Variants in RABGAP1 observed in about 807,000 individuals in gnomAD.
RABGAP1 encodes RAB GTPase activating protein 1.
A neutral mutation model predicts 137.6 loss-of-function variants in RABGAP1; 23 were observed. The ratio of observed to expected loss-of-function variants is 0.17; its 90% CI spans 0.12 to 0.24. The LOEUF is 0.24. Ranked by LOEUF, RABGAP1 falls within the 10% of genes least tolerant of loss-of-function variation. RABGAP1 has a pLI of 1.00. For synonymous variants in RABGAP1, 451 were observed against 450.7 expected (o/e 1.00, Z -0.01); for missense variants, 906 against 1,275.8 (o/e 0.71, Z 4.42).
chr9:122,991,410 T>G (rs1836713852), intron 6 of RABGAP1, among the ~76,000 whole-genome samples: 1 of 152,190 alleles, frequency 6.6e-6, no homozygotes, highest in Non-Finnish European at 1.5e-5. Context: ...ATATTTTGCT[T>G]TTAAATTAAG....
At chr9:122,941,900 T>G (rs1249654961) in intron 1 of RABGAP1, among the ~76,000 whole-genome samples, 1 of 152,250 alleles carries the variant, frequency 6.6e-6, no homozygotes, top group African/African-American at 2.4e-5. Flanking sequence ...AATTCTTTTT[T>G]GGAAACAAAT....
chr9:122,950,377 C>CTGTTTTTTTTTTTTTTTT (rs1834167360), intron 1 of RABGAP1, among the ~76,000 whole-genome samples: 1 of 74,492 alleles, frequency 1.3e-5, no homozygotes, highest in Non-Finnish European at 2.4e-5. Flanking sequence ...CTTTTTCTTT[C>CTGTTTTTTTTTTTTTTTT]TTTTTTTTTT....
intron 13 of RABGAP1, among the ~76,000 whole-genome samples, chr9:123,052,257 T>C (rs950706810): frequency 6.6e-6 from 1 of 152,210 alleles, no homozygotes; most frequent in Admixed American, 6.5e-5. Flanking sequence ...CTTCCCACTT[T>C]CTAGCCAAGT....
chr9:122,951,229 C>T (rs1348418127), intron 1 of RABGAP1, among the ~76,000 whole-genome samples: 1 of 152,140 alleles, frequency 6.6e-6, no homozygotes, highest in Non-Finnish European at 1.5e-5. Flanking sequence ...CATTTTGTCT[C>T]AAGCATGTCA....
At chr9:123,089,520 T>C (rs1015349693) in intron 19 of RABGAP1, 1 of 446,704 alleles carries the variant, frequency 2.2e-6, no homozygotes, top group Non-Finnish European at 4.0e-6. Context: ...TTCATTCTAA[T>C]ACTGTCAGTT....
the RABGAP1 span, among the ~76,000 whole-genome samples, chr9:122,935,680 G>T: frequency 6.6e-6 from 1 of 152,178 alleles, no homozygotes; most frequent in Admixed American, 6.5e-5. Context: ...TTAAATCAGA[G>T]AAAATAAAAA....
At chr9:122,978,235 C>G (rs558772577) in intron 2 of RABGAP1, among the ~76,000 whole-genome samples, 2 of 152,234 alleles carry the variant, frequency 1.3e-5, no homozygotes, top group South Asian at 4.1e-4. Context: ...ATAGTTTTGT[C>G]TTTTCCAGAA....
chr9:122,957,034 C>T lies in RABGAP1; in HGVS notation c.-26C>T, dbSNP rs867047342. The T allele has an allele frequency of 1.4e-6, 2 of 1,444,086 alleles. No individual in the cohort carries two copies. The highest frequency in any genetic ancestry group is 2.1e-5 in the Admixed American group (1 of 48,736). 89.5% of individuals were successfully genotyped at this position (1,444,086 alleles called of 1,614,324 possible). ...AGGCATTAAAAAATATTTAATCATT[C>T]ATGTGTTGAGACTCATTCTTGAGTT... On this transcript the variant is annotated 5_prime_UTR_variant, in exon 2 of 26. Coordinates refer to ENST00000373647, the MANE Select transcript of RABGAP1 (RefSeq NM_012197.4).
intron 4 of RABGAP1, among the ~76,000 whole-genome samples, chr9:122,988,931 G>A (rs753683258): frequency 7.7e-6 from 1 of 130,678 alleles, no homozygotes; most frequent in Non-Finnish European, 1.6e-5. Flanking sequence ...CAACAAGAGC[G>A]AAACTTGTCT....
chr9:123,057,967 C>A (rs1290770619), intron 13 of RABGAP1, among the ~76,000 whole-genome samples: 2 of 149,028 alleles, frequency 1.3e-5, no homozygotes, highest in African/African-American at 4.9e-5. Context: ...GCAGGAGAAT[C>A]AGGCAGGGAG....
At chr9:122,962,036 G>A (rs1834881006) in intron 2 of RABGAP1, among the ~76,000 whole-genome samples, 1 of 152,106 alleles carries the variant, frequency 6.6e-6, no homozygotes, top group African/African-American at 2.4e-5. Context: ...ATTATATAAA[G>A]TAATAATTGT....
chr9:122,931,702 G>A, the RABGAP1 span, among the ~76,000 whole-genome samples: 4 of 152,230 alleles, frequency 2.6e-5, no homozygotes, highest in South Asian at 8.3e-4. Context: ...CTGGGCACTA[G>A]CTTCACTGCC....
Position 123,104,259 on chromosome 9 carries a change from A to T in RABGAP1, c.*1046A>T, listed in dbSNP as rs1036803182. On this transcript the variant is annotated 3_prime_UTR_variant, in exon 26 of 26. Transcript: ENST00000373647. ...GTTGCGTGTCTGTAAATGTCTGCGC[A>T]GGGTGCACATGCTGCGAGGTCTCCA... 3.3e-5 allele frequency: 5 copies of T among 152,502 alleles called. No homozygotes were observed. In the East Asian group the frequency reaches 9.6e-4, roughly 29 times the overall value. The allele number at this position is 152,502 out of a possible 1,614,324, so 9.4% of individuals were successfully genotyped here.
intron 15 of RABGAP1, among the ~76,000 whole-genome samples, chr9:123,072,561 G>A (rs1371671925): frequency 2.0e-5 from 3 of 152,098 alleles, no homozygotes; most frequent in Admixed American, 6.6e-5. Context: ...TTAGAGTGAG[G>A]GGAGATGGGC....
At chr9:123,092,910 T>C (rs2035071851) in intron 21 of RABGAP1, among the ~76,000 whole-genome samples, 2 of 152,156 alleles carry the variant, frequency 1.3e-5, no homozygotes, top group Admixed American at 1.3e-4. Flanking sequence ...GCGGCAGGGC[T>C]CAGGAGCATC....
intron 21 of RABGAP1, among the ~76,000 whole-genome samples, chr9:123,096,864 C>G (rs1293852835): frequency 1.3e-5 from 2 of 152,242 alleles, no homozygotes; most frequent in East Asian, 3.8e-4. Flanking sequence ...GCCACCGCAC[C>G]TGGCCCAGTT....
intron 13 of RABGAP1, among the ~76,000 whole-genome samples, chr9:123,048,499 C>T (rs1258377135): frequency 1.3e-5 from 2 of 152,160 alleles, no homozygotes; most frequent in Non-Finnish European, 2.9e-5. Flanking sequence ...CCATAGCATA[C>T]AACGCTTTAC....
chr9:123,068,289 G>T (rs2132130576), intron 14 of RABGAP1, among the ~76,000 whole-genome samples: 1 of 150,280 alleles, frequency 6.7e-6, no homozygotes, highest in East Asian at 2.0e-4. Context: ...GGCAGAGGTT[G>T]CAGTGAGCCA....
At chr9:122,943,681 C>T (rs1833750651) in intron 1 of RABGAP1, among the ~76,000 whole-genome samples, 1 of 152,118 alleles carries the variant, frequency 6.6e-6, no homozygotes, top group Non-Finnish European at 1.5e-5. Context: ...TGGCTGGGCG[C>T]GGTGGCTCAC....
Sources: gnomAD v4.1 joint callset for allele counts (sites outside exome capture counted in the v4.1 genomes callset) on GRCh38, gnomAD v4.1.1 for gene constraint, MANE v1.5 for transcripts, NCBI Gene and HGNC (gene_info 2026-07-23, HGNC 2026-07-21) for gene names.